The following TRPM3 variants were observed in gnomAD, a reference collection of about 807,000 sequenced individuals.
TRPM3 encodes long transient receptor potential channel 3.
In TRPM3, 77 loss-of-function variants were observed where a neutral mutation model predicts 181.2. The ratio of observed to expected loss-of-function variants is 0.42; its 90% confidence interval spans 0.35 to 0.51. TRPM3 has a LOEUF of 0.51. Among genes scored for constraint, TRPM3 ranks in the 20% least tolerant of loss-of-function variants. The pLI is 0.01. For synonymous variants in TRPM3, 745 were observed against 796.4 expected (o/e 0.94, Z 1.09); for missense variants, 1,759 against 2,196.7 (o/e 0.80, Z 3.98).
At chr9:71,263,099 A>G (rs2083173148) in intron 1 of TRPM3, among the ~76,000 whole-genome samples, 1 of 152,246 alleles carries the variant, frequency 6.6e-6, no homozygotes, top group Non-Finnish European at 1.5e-5. Context: ...TAATGATATC[A>G]TAATTCTCAC....
intron 1 of TRPM3, among the ~76,000 whole-genome samples, chr9:71,027,130 C>A (rs562669015): frequency 1.3e-5 from 2 of 152,242 alleles, no homozygotes; most frequent in South Asian, 4.1e-4. Flanking sequence ...TTCCTAACCT[C>A]AAGGAGCTAG....
intron 3 of TRPM3, among the ~76,000 whole-genome samples, chr9:70,847,571 T>A (rs1247253579): frequency 1.3e-5 from 2 of 152,078 alleles, no homozygotes; most frequent in South Asian, 4.1e-4. Flanking sequence ...CAGGGGGGAA[T>A]TGAATGATTT....
Position 70,536,940 on chromosome 9 carries a change from A to C in TRPM3, c.4173T>G (p.Ala1391=). Residue 1391 remains alanine (A), a synonymous_variant, in exon 26 of 26, where the codon GCT becomes GCG. Transcript: ENST00000677713. ...SSHSVAKEPK[A]PAAPANTLAI... Reference sequence around the variant, plus strand: ...CCAAGGTGTTGGCAGGGGCTGCAGGAGCTTTGGGTTCTTTTGCTACAGAGT... The same window carrying C: ...CCAAGGTGTTGGCAGGGGCTGCAGGCGCTTTGGGTTCTTTTGCTACAGAGT... The C allele has an allele frequency of 6.2e-7, 1 of 1,614,074 alleles. No homozygotes were observed.
rs2079710506 is a variant in TRPM3, at chr9:71,214,372, C to G, written c.183+232281G>C. ...AAGAATTAAATATATATTTATCATA[C>G]AACCCAGCATCTCCATTCCTGGGTA... On this transcript the variant is annotated intron_variant, in intron 1 of 24. Transcript: ENST00000357533. 3.3e-5 allele frequency among the ~76,000 whole-genome samples: 5 copies of G among 152,134 alleles called. No homozygotes were observed. The South Asian group carries it at 1.0e-3, about 31-fold the overall frequency.
chr9:70,771,103 C>T (rs947598836), intron 7 of TRPM3, among the ~76,000 whole-genome samples: 1 of 152,138 alleles, frequency 6.6e-6, no homozygotes, highest in African/African-American at 2.4e-5. Flanking sequence ...AACCATTACG[C>T]TCAGATAATT....
At chr9:70,903,189 T>C (rs1173959142) in intron 1 of TRPM3, among the ~76,000 whole-genome samples, 1 of 152,202 alleles carries the variant, frequency 6.6e-6, no homozygotes, top group Non-Finnish European at 1.5e-5. Flanking sequence ...TTTTCAGATA[T>C]AATAGGTCTT....
At chr9:71,269,866 T>C (rs949940018) in intron 1 of TRPM3, among the ~76,000 whole-genome samples, 23 of 152,340 alleles carry the variant, frequency 1.5e-4, no homozygotes, top group African/African-American at 5.3e-4. Context: ...ACACTTCATA[T>C]TGAAATCCCT....
At chr9:71,275,864 CAG>C (rs2084171468) in intron 1 of TRPM3, among the ~76,000 whole-genome samples, 1 of 137,752 alleles carries the variant, frequency 7.3e-6, no homozygotes, top group Non-Finnish European at 1.6e-5. Context: ...TTTTTTGAGA[CAG>C]AGTCTTGCTC....
At chr9:71,193,613 T>G (rs1188077421) in intron 1 of TRPM3, among the ~76,000 whole-genome samples, 1 of 151,914 alleles carries the variant, frequency 6.6e-6, no homozygotes, top group Non-Finnish European at 1.5e-5. Context: ...ATCTATTAAA[T>G]CTGTCCACAA....
rs117815246 is a variant in TRPM3, at chr9:70,899,788, T to C, written c.178-35277A>G. ...ACAACACTGGGTTAGGAACCCTCTC[T>C]GCTTTATTGCTATAGACGTAGTTCT... On this transcript the variant is annotated intron_variant, in intron 1 of 25. Coordinates refer to ENST00000677713, the MANE Select transcript of TRPM3 (RefSeq NM_001366145.2). 3.9e-3 allele frequency among the ~76,000 whole-genome samples: 591 copies of C among 152,302 alleles called. 2 individuals carry two copies. The highest frequency in any genetic ancestry group is 6.9e-3 in the Non-Finnish European group (472 of 68,026).
intron 1 of TRPM3, among the ~76,000 whole-genome samples, chr9:71,353,051 T>C (rs778014784): frequency 1.2e-3 from 175 of 152,124 alleles, no homozygotes; most frequent in Non-Finnish European, 1.1e-3. Flanking sequence ...AGCAGCCAGA[T>C]TGGCACCAGC....
chr9:71,255,644 T>C (rs1238955976), intron 1 of TRPM3, among the ~76,000 whole-genome samples: 1 of 152,244 alleles, frequency 6.6e-6, no homozygotes, highest in African/African-American at 2.4e-5. Flanking sequence ...TTCTTGAGTC[T>C]TTGTTGAACT....
chr9:70,587,851 C>A (rs1034549576), intron 22 of TRPM3, among the ~76,000 whole-genome samples: 4 of 152,108 alleles, frequency 2.6e-5, no homozygotes, highest in African/African-American at 9.7e-5. Context: ...CCAGACAAAC[C>A]AAAAAGGAAC....
chr9:71,416,166 T>A (rs1237845742), intron 1 of TRPM3, among the ~76,000 whole-genome samples: 1 of 151,858 alleles, frequency 6.6e-6, no homozygotes, highest in East Asian at 1.9e-4. Context: ...TGGCACCTGT[T>A]AAAAGTTGTA....
intron 8 of TRPM3, among the ~76,000 whole-genome samples, chr9:70,700,795 C>T (rs927587971): frequency 2.6e-5 from 4 of 152,190 alleles, no homozygotes; most frequent in Non-Finnish European, 5.9e-5. Flanking sequence ...ACTATGTAGA[C>T]GTGCACACAT....
At chr9:71,061,168 G>A (rs577280316) in intron 1 of TRPM3, among the ~76,000 whole-genome samples, 126 of 152,220 alleles carry the variant, frequency 8.3e-4, no homozygotes, top group African/African-American at 2.9e-3. Flanking sequence ...ATTGACAGGA[G>A]GTCAATGTGG....
chr9:70,738,728 A>T (rs2073328529), intron 8 of TRPM3, among the ~76,000 whole-genome samples: 1 of 152,186 alleles, frequency 6.6e-6, no homozygotes, highest in African/African-American at 2.4e-5. Context: ...AAATTGACAT[A>T]CTATCAGTGA....
chr9:71,048,669 CTG>C (rs954721891), intron 1 of TRPM3, among the ~76,000 whole-genome samples: 2 of 152,158 alleles, frequency 1.3e-5, no homozygotes, highest in African/African-American at 2.4e-5. Context: ...TGAATCTACT[CTG>C]TTTGATGTGC....
chr9:71,362,750 T>C (rs2092201790), intron 1 of TRPM3, among the ~76,000 whole-genome samples: 1 of 152,202 alleles, frequency 6.6e-6, no homozygotes, highest in South Asian at 2.1e-4. Flanking sequence ...AATTAAAGTT[T>C]CAAATTAAAT....
Sources: gnomAD v4.1 joint callset for allele counts (sites outside exome capture counted in the v4.1 genomes callset) on GRCh38, gnomAD v4.1.1 for gene constraint, MANE v1.5 for transcripts, NCBI Gene and HGNC (gene_info 2026-07-23, HGNC 2026-07-21) for gene names.